The following MAGI1 variants were observed in gnomAD, a reference collection of about 807,000 sequenced individuals.
MAGI1 encodes the protein membrane-associated guanylate kinase, WW and PDZ domain-containing protein 1.
In MAGI1, 58 loss-of-function variants were observed where a neutral mutation model predicts 139.9. The ratio of observed to expected loss-of-function variants is 0.41; its 90% CI spans 0.34 to 0.52. MAGI1 has a LOEUF of 0.52. Ranked by LOEUF, MAGI1 falls within the 20% of genes least tolerant of loss-of-function variation. MAGI1 has a pLI of 0.12. For synonymous variants in MAGI1, 812 were observed against 737.9 expected, an observed-to-expected ratio of 1.10 and a Z score of -1.63; for missense variants, 1,874 against 1,901.6, an observed-to-expected ratio of 0.99 and a Z score of 0.27.
At chr3:65,928,404 A>C (rs1352435062) in intron 1 of MAGI1, among the ~76,000 whole-genome samples, 4 of 152,232 alleles carry the variant, frequency 2.6e-5, no homozygotes, top group South Asian at 4.1e-4. Flanking sequence ...AATGAACTTA[A>C]AGAAAGTTTT....
At chr3:65,969,770 T>A (rs747800807) in intron 1 of MAGI1, among the ~76,000 whole-genome samples, 6 of 152,224 alleles carry the variant, frequency 3.9e-5, no homozygotes, top group Non-Finnish European at 8.8e-5. Flanking sequence ...TATGGGGCTA[T>A]TAAGCACCTG....
intron 1 of MAGI1, among the ~76,000 whole-genome samples, chr3:66,017,760 C>A (rs1367107673): frequency 6.6e-6 from 1 of 152,144 alleles, no homozygotes; most frequent in African/African-American, 2.4e-5. Context: ...GGTCTACTCT[C>A]CTCGGTTTTC....
At chr3:65,768,710 C>G (rs1244659991) in intron 1 of MAGI1, among the ~76,000 whole-genome samples, 1 of 152,136 alleles carries the variant, frequency 6.6e-6, no homozygotes, top group Admixed American at 6.5e-5. Flanking sequence ...TCAGATTTTT[C>G]CAGTTGTGGT....
chr3:65,864,759 A>T (rs1018056524), intron 1 of MAGI1, among the ~76,000 whole-genome samples: 1 of 152,192 alleles, frequency 6.6e-6, no homozygotes, highest in African/African-American at 2.4e-5. Flanking sequence ...CGACAGAAAT[A>T]TTAGACTAAT....
At chr3:65,505,518 G>A (rs2077247510) in intron 2 of MAGI1, among the ~76,000 whole-genome samples, 1 of 151,746 alleles carries the variant, frequency 6.6e-6, no homozygotes, top group Non-Finnish European at 1.5e-5. Context: ...AGTGGCACGT[G>A]CCTGTAGTCC....
intron 1 of MAGI1, among the ~76,000 whole-genome samples, chr3:65,813,987 G>A (rs1318912813): frequency 6.6e-5 from 10 of 152,154 alleles, no homozygotes; most frequent in African/African-American, 2.2e-4. Flanking sequence ...AAAATTATGG[G>A]TACGGAAATG....
intron 12 of MAGI1, among the ~76,000 whole-genome samples, chr3:65,429,293 G>A (rs1947304800): frequency 6.6e-6 from 1 of 151,974 alleles, no homozygotes; most frequent in South Asian, 2.1e-4. Flanking sequence ...TTTTAAAAAG[G>A]CAAAATCTGA....
At chr3:65,869,447 T>C (rs918760670) in intron 1 of MAGI1, among the ~76,000 whole-genome samples, 2 of 149,260 alleles carry the variant, frequency 1.3e-5, no homozygotes, top group Admixed American at 6.7e-5. Context: ...CTCACCCAGG[T>C]TGGAGTGCAG....
intron 2 of MAGI1, among the ~76,000 whole-genome samples, chr3:65,516,948 TCGATCTCC>T (rs1366133323): frequency 6.6e-6 from 1 of 151,310 alleles, no homozygotes; most frequent in African/African-American, 2.4e-5. Context: ...CGGGATGGTC[TCGATCTCC>T]TGACCTCGTG....
intron 1 of MAGI1, among the ~76,000 whole-genome samples, chr3:65,816,922 A>C (rs1275257762): frequency 6.6e-6 from 1 of 152,190 alleles, no homozygotes; most frequent in Non-Finnish European, 1.5e-5. Context: ...CCAGTACTTC[A>C]AATATCTATT....
chr3:65,815,259 T>C (rs1294017298), intron 1 of MAGI1, among the ~76,000 whole-genome samples: 3 of 152,232 alleles, frequency 2.0e-5, no homozygotes, highest in Non-Finnish European at 4.4e-5. Flanking sequence ...TAATCCAGCC[T>C]GGGGCCAACA....
chr3:65,739,900 C>A (rs1361264836), intron 1 of MAGI1, among the ~76,000 whole-genome samples: 1 of 151,952 alleles, frequency 6.6e-6, no homozygotes, highest in African/African-American at 2.4e-5. Context: ...GTGAGAATTA[C>A]CAAAACGTGA....
At chr3:65,717,616 T>C (rs570763586) in intron 1 of MAGI1, 12 of 152,328 alleles carry the variant, frequency 7.9e-5, no homozygotes, top group African/African-American at 2.6e-4. Context: ...TAGAAACTGA[T>C]ATAACACTGA....
intron 2 of MAGI1, among the ~76,000 whole-genome samples, chr3:65,557,567 A>G (rs1289935672): frequency 1.3e-5 from 2 of 152,174 alleles, no homozygotes; most frequent in Non-Finnish European, 1.5e-5. Context: ...TTACCTTAAA[A>G]CTTAGCAATA....
At chr3:65,921,216 C>T (rs910169996) in intron 1 of MAGI1, among the ~76,000 whole-genome samples, 1 of 151,974 alleles carries the variant, frequency 6.6e-6, no homozygotes, top group South Asian at 2.1e-4. Flanking sequence ...AAAGCTACTA[C>T]GTGGTATTTT....
At chr3:66,029,739 A>G (rs550340430) in intron 1 of MAGI1, among the ~76,000 whole-genome samples, 2 of 152,128 alleles carry the variant, frequency 1.3e-5, no homozygotes, top group African/African-American at 2.4e-5. Context: ...TGTGCATTCA[A>G]ATCCTGACCT....
intron 1 of MAGI1, among the ~76,000 whole-genome samples, chr3:65,817,572 A>G (rs2041682024): frequency 6.6e-6 from 1 of 152,216 alleles, no homozygotes; most frequent in African/African-American, 2.4e-5. Flanking sequence ...CCAATAATAT[A>G]CTCGCATTTC....
chr3:65,884,276 A>G (rs2060446785), intron 1 of MAGI1, among the ~76,000 whole-genome samples: 1 of 152,246 alleles, frequency 6.6e-6, no homozygotes, highest in Non-Finnish European at 1.5e-5. Flanking sequence ...AACTAGTGAC[A>G]CTGTGCATAT....
At chr3:65,658,952 C>T (rs1340028356) in intron 1 of MAGI1, among the ~76,000 whole-genome samples, 1 of 152,170 alleles carries the variant, frequency 6.6e-6, no homozygotes, top group African/African-American at 2.4e-5. Flanking sequence ...ACCTTCTTTA[C>T]TTGTGGATTA....
Sources: gnomAD v4.1 joint callset for allele counts (sites outside exome capture counted in the v4.1 genomes callset) on GRCh38, gnomAD v4.1.1 for gene constraint, MANE v1.5 for transcripts, NCBI Gene and HGNC (gene_info 2026-07-23, HGNC 2026-07-21) for gene names.